Variants in DNAH8 observed in about 807,000 individuals in gnomAD.
The protein encoded by DNAH8 is dynein axonemal heavy chain 8.
Under a neutral mutation model 562.1 loss-of-function variants are expected in DNAH8, and 382 were observed. The ratio of observed to expected loss-of-function variants is 0.68; its 90% CI spans 0.63 to 0.74. DNAH8 has a LOEUF of 0.74. Among genes scored for constraint, DNAH8 ranks in the 30% least tolerant of loss-of-function variants. The pLI, the probability that DNAH8 is intolerant of heterozygous loss-of-function variation, is 0.00. For synonymous variants in DNAH8, 1,881 were observed against 1,919.4 expected (o/e 0.98, Z 0.52); for missense variants, 5,203 against 5,620.4 (o/e 0.93, Z 2.37).
At chr6:38,740,198 C>T (rs1404116385) in intron 7 of DNAH8, among the ~76,000 whole-genome samples, 3 of 152,172 alleles carry the variant, frequency 2.0e-5, no homozygotes, top group African/African-American at 7.2e-5. Context: ...AATTGTTTTT[C>T]AAAATTAATT....
intron 12 of DNAH8, among the ~76,000 whole-genome samples, chr6:38,773,268 A>G (rs1455028704): frequency 1.3e-5 from 2 of 150,192 alleles, no homozygotes; most frequent in African/African-American, 2.4e-5. Context: ...CCCTACCCCT[A>G]TTTTCCTGGA....
intron 9 of DNAH8, among the ~76,000 whole-genome samples, chr6:38,751,493 A>T (rs1379141348): frequency 6.6e-6 from 1 of 152,126 alleles, no homozygotes; most frequent in Non-Finnish European, 1.5e-5. Context: ...ATCAAGGTAG[A>T]TATTTCCCCA....
At chr6:38,952,765 C>T (rs189518639) in intron 82 of DNAH8, among the ~76,000 whole-genome samples, 4 of 152,280 alleles carry the variant, frequency 2.6e-5, no homozygotes, top group Admixed American at 1.3e-4. Flanking sequence ...CAAATGGCCA[C>T]GGTCTTCTGT....
At position 38,974,396 on chromosome 6, in the gene DNAH8, A is replaced by G. The variant is rs370456053; in HGVS notation, c.12701A>G (p.Glu4234Gly). The G allele has an allele frequency of 3.7e-6, 6 of 1,612,660 alleles. No individual in the cohort carries two copies. The highest frequency in any genetic ancestry group is 5.1e-6 in the Non-Finnish European group (6 of 1,179,584). ...CAGACCTCTCTCAAATTCACTAATG[A>G]GCCACCCCAAGGTGTACGCGCAGGT... Reference protein sequence around the residue: ...LLQTSLKFTNEPPQGVRAGLK... With the variant: ...LLQTSLKFTNGPPQGVRAGLK... Residue 4234 changes from glutamate (E) to glycine (G), a missense_variant, in exon 85 of 93, where the codon GAG becomes GGG. Around this residue, in one of 6 missense-constraint regions of DNAH8, gnomAD observed 1,399 missense variants for 1,518.4 expected, o/e 0.92. Coordinates refer to ENST00000327475, the MANE Select transcript of DNAH8 (RefSeq NM_001206927.2).
Position 38,883,921 on chromosome 6 carries a change from G to A in DNAH8, c.8182G>A (p.Gly2728Arg). ...YVDKRIGSTY[G>R]PPGGRKMTVF... ...GGATAAGCGAATTGGAAGCACATAT[G>A]GGCCACCAGGAGGGAGAAAAATGAC... The change falls in exon 56 of 93, where the codon GGG becomes AGG. Residue 2728 changes from glycine (G) to arginine (R), a missense_variant. Gly to Arg is a moderately radical substitution (Grantham distance 125). Coordinates refer to ENST00000327475, the MANE Select transcript of DNAH8 (RefSeq NM_001206927.2). 6.3e-7 allele frequency: 1 copy of A among 1,591,846 alleles called. No individual in the cohort carries two copies. Among genetic ancestry groups the A allele is most frequent in the Admixed American group, 1.7e-5 (1 of 58,444 alleles).
chr6:38,789,816 A>G lies in DNAH8; in HGVS notation c.2597A>G (p.Tyr866Cys), dbSNP rs144797040. The G allele has an allele frequency of 3.2e-5, 51 of 1,611,142 alleles. No individual in the cohort carries two copies. In the African/African-American group the frequency reaches 5.9e-4, roughly 19 times the overall value. The change falls in exon 19 of 93, where the codon TAT becomes TGT. Residue 866 changes from tyrosine to cysteine, a missense_variant. This residue lies in a region of DNAH8 where 2,176 missense variants were observed against 2,365.1 expected (regional missense o/e 0.92). Transcript: ENST00000327475. ...DKLYLQGLLQ[Y>C]YDELCQEVPS... Reference sequence around the variant, plus strand: ...AACTTCCTACAGGGTCTTCTGCAATATTATGATGAGTTATGTCAGGAAGTG... The same window carrying G: ...AACTTCCTACAGGGTCTTCTGCAATGTTATGATGAGTTATGTCAGGAAGTG...
Position 38,734,637 on chromosome 6 carries a change from A to C in DNAH8, c.762+12A>C, listed in dbSNP as rs1177085635. The C allele has an allele frequency of 1.6e-5, 26 of 1,607,816 alleles. No individual in the cohort carries two copies. The highest frequency in any genetic ancestry group is 2.2e-5 in the Non-Finnish European group (26 of 1,178,480). Reference sequence around the variant, plus strand: ...AAACTATTCAAGAGGTATGTTTAAAAATTTCCCCAAATACATAGTTAAACA... The same window carrying C: ...AAACTATTCAAGAGGTATGTTTAAACATTTCCCCAAATACATAGTTAAACA... On this transcript the variant is annotated intron_variant, in intron 5 of 92. Coordinates refer to ENST00000327475, the MANE Select transcript of DNAH8 (RefSeq NM_001206927.2).
chr6:38,942,119 C>T (rs572352849), intron 79 of DNAH8, among the ~76,000 whole-genome samples: 1 of 152,290 alleles, frequency 6.6e-6, no homozygotes, highest in East Asian at 1.9e-4. Context: ...TGATCTTGGA[C>T]TCCCCAGCCT....
chr6:38,745,097 CCAGA>C (rs1386821555), intron 8 of DNAH8, among the ~76,000 whole-genome samples: 2 of 152,064 alleles, frequency 1.3e-5, no homozygotes, highest in Non-Finnish European at 2.9e-5. Context: ...CACGTGTCCC[CCAGA>C]CAAAGAGCAG....
intron 78 of DNAH8, 56 bp downstream of exon 78, chr6:38,938,282 C>G: frequency 6.4e-7 from 1 of 1,550,876 alleles, no homozygotes; most frequent in Non-Finnish European, 8.7e-7. Context: ...GCTTGTATTT[C>G]TACTCTTTTA....
At chr6:38,826,426 C>A in intron 29 of DNAH8, 35 bp downstream of exon 29, 1 of 1,415,720 alleles carries the variant, frequency 7.1e-7, no homozygotes, top group Non-Finnish European at 9.8e-7. Context: ...TCTTGGAATG[C>A]TTTTTTGTTT....
intron 75 of DNAH8, among the ~76,000 whole-genome samples, chr6:38,930,420 T>C (rs77101391): frequency 0.025 from 3,740 of 152,134 alleles, 169 homozygotes; most frequent in East Asian, 0.18. Context: ...TCTCATTAAA[T>C]AAAGACAGAT....
intron 76 of DNAH8, among the ~76,000 whole-genome samples, chr6:38,934,021 AG>A (rs1207585052): frequency 6.6e-6 from 1 of 152,214 alleles, no homozygotes. Flanking sequence ...CATAAACCGT[AG>A]TTGGAGGGAA....
intron 44 of DNAH8, among the ~76,000 whole-genome samples, chr6:38,862,949 C>T (rs754250685): frequency 1.3e-5 from 2 of 152,116 alleles, no homozygotes; most frequent in Non-Finnish European, 1.5e-5. Context: ...CAGTACTTGG[C>T]GATCTTCTCT....
chr6:38,747,153 A>G, intron 8 of DNAH8, among the ~76,000 whole-genome samples: 1 of 152,138 alleles, frequency 6.6e-6, no homozygotes, highest in Admixed American at 6.6e-5. Flanking sequence ...TATCTTACCT[A>G]TAACATTTCA....
intron 33 of DNAH8, among the ~76,000 whole-genome samples, chr6:38,839,071 C>T (rs56268641): frequency 0.015 from 2,242 of 152,226 alleles, 56 homozygotes; most frequent in African/African-American, 0.05. Context: ...ATTCTCCAAA[C>T]GTAATCCATT....
chr6:38,820,785 A>G (rs1772754568), intron 26 of DNAH8, among the ~76,000 whole-genome samples: 1 of 152,216 alleles, frequency 6.6e-6, no homozygotes, highest in Non-Finnish European at 1.5e-5. Context: ...ATAGACATAG[A>G]AAAAATATTT....
In DNAH8 at chr6:38,726,333, G is replaced by T. The variant is rs145195307; in HGVS notation, c.525+2862G>T. Reference sequence around the variant, plus strand: ...GAGATGGGCATCTGCAGAACTGGTAGTCCAACTTTAAGTATTTGCCATCTG... The same window carrying T: ...GAGATGGGCATCTGCAGAACTGGTATTCCAACTTTAAGTATTTGCCATCTG... On this transcript the variant is annotated intron_variant, in intron 3 of 92. Transcript: ENST00000327475. Among the ~76,000 whole-genome samples the T allele has an allele frequency of 2.4e-4, 37 of 152,312 alleles. No individual in the cohort carries two copies. In the East Asian group the frequency reaches 5.0e-3, roughly 21 times the overall value.
At chr6:38,949,374 C>T in intron 80 of DNAH8, 78 bp from the exon 81 acceptor site, 1 of 880,234 alleles carries the variant, frequency 1.1e-6, no homozygotes, top group Admixed American at 1.8e-5. Flanking sequence ...ATGACCCTCT[C>T]AGGTGATTCA....
Sources: allele counts gnomAD v4.1 joint callset (sites outside exome capture counted in the v4.1 genomes callset), GRCh38; gene constraint gnomAD v4.1.1; regional missense constraint gnomAD v4.1.1; transcripts MANE v1.5; gene names NCBI Gene and HGNC (gene_info 2026-07-23, HGNC 2026-07-21).